PHF24: variants seen among roughly 807,000 people sequenced by gnomAD.
PHF24 encodes the protein PHD finger protein 24.
In PHF24, 25 loss-of-function variants were observed where a neutral mutation model predicts 42.6. The observed-to-expected ratio is 0.59, with a 90% confidence interval of 0.43 to 0.82. The LOEUF is 0.82. Ranked by LOEUF, PHF24 falls within the 40% of genes least tolerant of loss-of-function variation. The pLI is 0.00. For missense variants in PHF24, 470 were observed against 538.1 expected, an observed-to-expected ratio of 0.87 and a Z score of 1.25; for synonymous variants, 185 against 204.8, an observed-to-expected ratio of 0.90 and a Z score of 0.83.
At chr9:34,871,727 G>A in the PHF24 span, among the ~76,000 whole-genome samples, 4 of 151,842 alleles carry the variant, frequency 2.6e-5, no homozygotes, top group Non-Finnish European at 5.9e-5. Flanking sequence ...TCTGTTTCTG[G>A]GCTCTCTATT....
chr9:34,862,318 A>G, the PHF24 span, among the ~76,000 whole-genome samples: 19 of 152,178 alleles, frequency 1.2e-4, no homozygotes, highest in African/African-American at 4.1e-4. Flanking sequence ...GACACCAGCC[A>G]GGGCATCTAA....
chr9:34,949,691 C>T, the PHF24 span, among the ~76,000 whole-genome samples: 1 of 152,136 alleles, frequency 6.6e-6, no homozygotes, highest in South Asian at 2.1e-4. Flanking sequence ...GAGTTCGTGT[C>T]CTTTGCAGGG....
chr9:34,856,737 G>A, the PHF24 span, among the ~76,000 whole-genome samples: 1 of 152,230 alleles, frequency 6.6e-6, no homozygotes, highest in African/African-American at 2.4e-5. Context: ...CTGTTGGGAG[G>A]TCTCACCCAG....
At chr9:34,832,638 A>C in the PHF24 span, 1 of 1,541,254 alleles carries the variant, frequency 6.5e-7, no homozygotes, top group East Asian at 2.4e-5. Flanking sequence ...CTTGGGGTTA[A>C]TACACTCCAG....
the PHF24 span, among the ~76,000 whole-genome samples, chr9:34,780,832 A>G: frequency 6.6e-6 from 1 of 152,328 alleles, no homozygotes; most frequent in South Asian, 2.1e-4. Context: ...AGATATACAA[A>G]TGGCCAGCAA....
At chr9:34,977,304 T>C in intron 6 of PHF24, 61 bp downstream of exon 6, 2 of 1,525,674 alleles carry the variant, frequency 1.3e-6, no homozygotes, top group African/African-American at 2.8e-5. Flanking sequence ...TCCATGCCAG[T>C]GGCCCTTCCA....
intron 1 of PHF24, among the ~76,000 whole-genome samples, chr9:34,961,848 A>G (rs1444514282): frequency 6.6e-6 from 1 of 152,224 alleles, no homozygotes; most frequent in Non-Finnish European, 1.5e-5. Flanking sequence ...TTTTAGATAT[A>G]TGTTGGCTGT....
the PHF24 span, among the ~76,000 whole-genome samples, chr9:34,712,364 T>C: frequency 6.6e-6 from 1 of 152,144 alleles, no homozygotes; most frequent in Non-Finnish European, 1.5e-5. Flanking sequence ...TGTTTTGTCA[T>C]TATTTCTTCA....
chr9:34,665,989 G>T, the PHF24 span: 2 of 428,832 alleles, frequency 4.7e-6, no homozygotes, highest in Non-Finnish European at 8.5e-6. Context: ...TGGAGGGGGG[G>T]CTGAGAGGGG....
At chr9:34,720,328 C>T in the PHF24 span, among the ~76,000 whole-genome samples, 1 of 151,962 alleles carries the variant, frequency 6.6e-6, no homozygotes, top group East Asian at 1.9e-4. Context: ...GCCTGTAGTC[C>T]CAGCTACTCG....
At chr9:34,893,000 C>A in the PHF24 span, 1 of 779,702 alleles carries the variant, frequency 1.3e-6, no homozygotes, top group South Asian at 1.6e-5. Flanking sequence ...GCAAGAGGAG[C>A]CCTGTGATGG....
At chr9:34,976,766 CCT>C in intron 5 of PHF24, 26 bp downstream of exon 5, 1 of 1,596,168 alleles carries the variant, frequency 6.3e-7, no homozygotes, top group Non-Finnish European at 8.6e-7. Flanking sequence ...GGCAAATGTT[CCT>C]GGGATACTGG....
chr9:34,934,129 T>C, the PHF24 span, among the ~76,000 whole-genome samples: 22 of 152,324 alleles, frequency 1.4e-4, no homozygotes, highest in African/African-American at 4.8e-4. Flanking sequence ...GTTCTCATTA[T>C]ATAGATTCTC....
At chr9:34,871,207 T>C in the PHF24 span, among the ~76,000 whole-genome samples, 25 of 152,356 alleles carry the variant, frequency 1.6e-4, no homozygotes, top group South Asian at 1.2e-3. Flanking sequence ...GTGTGGAACA[T>C]CTTTTCACAT....
chr9:34,756,451 T>C, the PHF24 span, among the ~76,000 whole-genome samples: 1 of 152,288 alleles, frequency 6.6e-6, no homozygotes, highest in African/African-American at 2.4e-5. Flanking sequence ...TATTCTATTT[T>C]GCCACTTAAG....
At chr9:34,964,088 C>G (rs1417337374) in intron 1 of PHF24, among the ~76,000 whole-genome samples, 2 of 152,210 alleles carry the variant, frequency 1.3e-5, no homozygotes, top group Non-Finnish European at 2.9e-5. Context: ...CTCTACTTTT[C>G]TCCCTCCTGA....
the PHF24 span, among the ~76,000 whole-genome samples, chr9:34,854,003 T>A: frequency 6.6e-6 from 1 of 152,094 alleles, no homozygotes; most frequent in South Asian, 2.1e-4. Flanking sequence ...AATTTAGTCT[T>A]GGGAGGCTGT....
At chr9:34,928,415 T>C in the PHF24 span, among the ~76,000 whole-genome samples, 1 of 152,178 alleles carries the variant, frequency 6.6e-6, no homozygotes, top group Admixed American at 6.5e-5. Context: ...ACATCTCATG[T>C]ACCCCATAAA....
chr9:34,710,911 T>C, the PHF24 span, among the ~76,000 whole-genome samples: 2 of 152,310 alleles, frequency 1.3e-5, no homozygotes, highest in Admixed American at 6.5e-5. Flanking sequence ...TATGAGCGAC[T>C]GCACCTGGTC....
Sources: allele counts gnomAD v4.1 joint callset (sites outside exome capture counted in the v4.1 genomes callset), GRCh38; gene constraint gnomAD v4.1.1; transcripts MANE v1.5; gene names NCBI Gene and HGNC (gene_info 2026-07-23, HGNC 2026-07-21).